The following SYN3 variants were observed in gnomAD, a reference collection of about 807,000 sequenced individuals.
The protein encoded by SYN3 is synapsin-3.
In SYN3, 35 loss-of-function variants were observed where a neutral mutation model predicts 65.8. The ratio of observed to expected loss-of-function variants is 0.53; its 90% CI spans 0.41 to 0.70. The LOEUF (loss-of-function observed/expected upper bound fraction) is 0.70, where lower values mean the gene tolerates loss of function less well. SYN3 is among the 30% of genes least tolerant of loss of function. SYN3 has a pLI of 0.00. For missense variants in SYN3, 680 were observed against 749.0 expected, an observed-to-expected ratio of 0.91 and a Z score of 1.08; for synonymous variants, 270 against 292.9, an observed-to-expected ratio of 0.92 and a Z score of 0.80.
At chr22:32,691,386 T>G (rs1179683624) in intron 6 of SYN3, among the ~76,000 whole-genome samples, 1 of 152,158 alleles carries the variant, frequency 6.6e-6, no homozygotes, top group Non-Finnish European at 1.5e-5. Context: ...AGCAGGTGGA[T>G]CTGGGAAGGA....
chr22:32,890,072 C>CTT (rs5845051), intron 4 of SYN3, among the ~76,000 whole-genome samples: 9,994 of 58,116 alleles, frequency 0.17, 1,496 homozygotes, highest in Non-Finnish European at 0.24. Flanking sequence ...GATTTAGCTG[C>CTT]TTTTTTTTTT....
At chr22:33,015,275 A>G (rs1264029789) in intron 1 of SYN3, 5 of 517,910 alleles carry the variant, frequency 9.7e-6, no homozygotes, top group African/African-American at 6.4e-5. Context: ...ATCCAAAAGG[A>G]GCAGACTATT....
In SYN3 at chr22:32,929,465, C is replaced by G. The variant is rs1050122029; in HGVS notation, c.461+1925G>C. ...CCATTGTCTATTGTTCCTGTTTCAC[C>G]TGGTTATCTTTGACTACGTACTAGC... On this transcript the variant is annotated intron_variant, in intron 4 of 13. Coordinates refer to ENST00000358763, the MANE Select transcript of SYN3 (RefSeq NM_003490.4). Among the ~76,000 whole-genome samples the G allele has an allele frequency of 4.3e-4, 65 of 151,986 alleles. 1 individual carries two copies. The highest frequency in any genetic ancestry group is 4.3e-3 in the Admixed American group (65 of 15,258).
chr22:32,540,875 G>A (rs1348039650), intron 8 of SYN3, among the ~76,000 whole-genome samples: 1 of 152,090 alleles, frequency 6.6e-6, no homozygotes, highest in Admixed American at 6.5e-5. Flanking sequence ...AAATGACTAG[G>A]GCAGATTCAT....
intron 6 of SYN3, among the ~76,000 whole-genome samples, chr22:32,673,908 G>T: frequency 6.6e-6 from 1 of 152,202 alleles, no homozygotes; most frequent in East Asian, 1.9e-4. Context: ...CATCTCCTGG[G>T]AGCCCTGATG....
chr22:32,808,141 T>G (rs2046816382), intron 6 of SYN3, among the ~76,000 whole-genome samples: 1 of 152,200 alleles, frequency 6.6e-6, no homozygotes. Flanking sequence ...CTTTATGTAT[T>G]TATTTTGCTT....
chr22:32,549,564 T>C (rs748263022), intron 7 of SYN3, among the ~76,000 whole-genome samples: 1 of 152,182 alleles, frequency 6.6e-6, no homozygotes, highest in Non-Finnish European at 1.5e-5. Context: ...ACATGCAAAC[T>C]TTTATCAAGA....
At chr22:33,000,821 T>G (rs544458657) in intron 2 of SYN3, among the ~76,000 whole-genome samples, 3 of 152,322 alleles carry the variant, frequency 2.0e-5, no homozygotes, top group Admixed American at 2.0e-4. Flanking sequence ...GGGAGGGGGC[T>G]GGCCCAGAGG....
At chr22:32,795,892 AC>A (rs1364909768) in intron 6 of SYN3, among the ~76,000 whole-genome samples, 1 of 152,180 alleles carries the variant, frequency 6.6e-6, no homozygotes, top group African/African-American at 2.4e-5. Flanking sequence ...AGCAGGTTCC[AC>A]TGAAGAAAGC....
At chr22:32,626,598 G>C (rs1601789330) in intron 6 of SYN3, among the ~76,000 whole-genome samples, 1 of 152,272 alleles carries the variant, frequency 6.6e-6, no homozygotes, top group African/African-American at 2.4e-5. Context: ...GAGAAAGATG[G>C]GGACTCTGTT....
chr22:33,013,711 T>C (rs2053403908), intron 1 of SYN3, among the ~76,000 whole-genome samples: 1 of 152,148 alleles, frequency 6.6e-6, no homozygotes, highest in Non-Finnish European at 1.5e-5. Flanking sequence ...GACCGACATG[T>C]CCGCTTTCCC....
chr22:32,625,545 C>T (rs368810317), intron 6 of SYN3, among the ~76,000 whole-genome samples: 5 of 152,178 alleles, frequency 3.3e-5, no homozygotes, highest in African/African-American at 9.7e-5. Context: ...GTGGTCCAGA[C>T]GGAATAAATA....
intron 6 of SYN3, among the ~76,000 whole-genome samples, chr22:32,751,616 C>T (rs1352960224): frequency 6.6e-6 from 1 of 152,178 alleles, no homozygotes; most frequent in Non-Finnish European, 1.5e-5. Context: ...AGGGTGTTGA[C>T]AGCAGTGGGA....
At chr22:32,756,194 A>G (rs959829759) in intron 6 of SYN3, among the ~76,000 whole-genome samples, 1 of 152,056 alleles carries the variant, frequency 6.6e-6, no homozygotes, top group Admixed American at 6.5e-5. Flanking sequence ...CATTCTGCAC[A>G]TGTATCCCAG....
At chr22:32,969,628 C>T (rs1356273224) in intron 3 of SYN3, among the ~76,000 whole-genome samples, 1 of 152,194 alleles carries the variant, frequency 6.6e-6, no homozygotes, top group Non-Finnish European at 1.5e-5. Flanking sequence ...GTGCTCTCCA[C>T]ACTTTGGACT....
chr22:32,747,023 G>A (rs992874413), intron 6 of SYN3, among the ~76,000 whole-genome samples: 2 of 152,156 alleles, frequency 1.3e-5, no homozygotes, highest in Admixed American at 6.5e-5. Context: ...TGGCTGGAGG[G>A]AGCCTGGGTG....
intron 7 of SYN3, among the ~76,000 whole-genome samples, chr22:32,566,499 A>C (rs190119007): frequency 6.6e-6 from 1 of 152,352 alleles, no homozygotes; most frequent in Admixed American, 6.5e-5. Context: ...AAAGGCAGCC[A>C]GCATGGTGTC....
At chr22:32,818,160 G>A (rs2047138060) in intron 6 of SYN3, among the ~76,000 whole-genome samples, 1 of 152,186 alleles carries the variant, frequency 6.6e-6, no homozygotes, top group Non-Finnish European at 1.5e-5. Flanking sequence ...GAAAATTAAT[G>A]GCACTGCCAG....
At chr22:32,896,363 G>A (rs1445197570) in intron 4 of SYN3, among the ~76,000 whole-genome samples, 1 of 152,200 alleles carries the variant, frequency 6.6e-6, no homozygotes, top group Non-Finnish European at 1.5e-5. Flanking sequence ...GGCTGAGGCA[G>A]GAGAATCACT....
Sources: gnomAD v4.1 joint callset for allele counts (sites outside exome capture counted in the v4.1 genomes callset) on GRCh38, gnomAD v4.1.1 for gene constraint, MANE v1.5 for transcripts, NCBI Gene and HGNC (gene_info 2026-07-23, HGNC 2026-07-21) for gene names.